The following USF3 variants were observed in gnomAD, a reference collection of about 807,000 sequenced individuals.
The protein encoded by USF3 is basic helix-loop-helix domain-containing protein USF3.
A neutral mutation model predicts 157.5 loss-of-function variants in USF3; 29 were observed. That is an observed-to-expected ratio of 0.18 (90% CI 0.14 to 0.25). The LOEUF is 0.25. Ranked by LOEUF, USF3 falls within the 10% of genes least tolerant of loss-of-function variation. The pLI is 1.00. For missense variants in USF3, 2,381 were observed against 2,667.6 expected (o/e 0.89, Z 2.37); for synonymous variants, 893 against 941.4 (o/e 0.95, Z 0.94).
Position 113,660,806 on chromosome 3 carries a change from T to C in USF3, c.876A>G (p.Val292=), listed in dbSNP as rs781438099. 5.6e-6 allele frequency: 9 copies of C among 1,614,088 alleles called. No individual in the cohort carries two copies. The highest frequency in any genetic ancestry group is 7.6e-6 in the Non-Finnish European group (9 of 1,180,056). ...ENKNGQENPK[V]LKKMTPCVTN... ...TAACACAAGGGGTCATTTTCTTCAA[T>C]ACTTTGGGGTTCTCTTGTCCATTCT... Residue 292 remains valine, a synonymous_variant, in exon 7 of 7, where the codon GTA becomes GTG. Coordinates refer to ENST00000316407, the MANE Select transcript of USF3 (RefSeq NM_001009899.4).
In USF3 at chr3:113,657,486, G is replaced by A; in HGVS notation, c.4196C>T (p.Thr1399Ile). 1 of 1,614,190 alleles carries A rather than the reference G, an allele frequency of 6.2e-7. No homozygotes were observed. The highest frequency in any genetic ancestry group is 8.5e-7 in the Non-Finnish European group (1 of 1,180,032). Residue 1399 changes from threonine (T) to isoleucine (I), a missense_variant, in exon 7 of 7, where the codon ACA (threonine) becomes ATA (isoleucine). Coordinates refer to ENST00000316407, the MANE Select transcript of USF3 (RefSeq NM_001009899.4). ...VSNPAHGDGL[T>I]RLFPPSNNFV... ...GTTGTTACTAGGTGGAAATAATCGT[G>A]TAAGGCCATCTCCATGAGCTGGGTT...
Position 113,649,499 on chromosome 3 carries a change from G to A in USF3, c.*5445C>T. 4.3e-6 allele frequency: 1 copy of A among 230,940 alleles called. No individual in the cohort carries two copies. Among genetic ancestry groups the A allele is most frequent in the Non-Finnish European group, 8.3e-6 (1 of 121,104 alleles). 14.3% of individuals were successfully genotyped at this position (230,940 alleles called of 1,614,324 possible). Reference sequence around the variant, plus strand: ...AGTTTAACAGGAGTTTTGCTACTAGGTTTTTTTTTTGTTTTTTGTTTTTTT... The same window carrying A: ...AGTTTAACAGGAGTTTTGCTACTAGATTTTTTTTTTGTTTTTTGTTTTTTT... On this transcript the variant is annotated 3_prime_UTR_variant, in exon 7 of 7. Coordinates refer to ENST00000316407, the MANE Select transcript of USF3 (RefSeq NM_001009899.4).
chr3:113,680,638 C>T lies in USF3; in HGVS notation c.-134-3241G>A, dbSNP rs1016675011. 1.4e-4 allele frequency among the ~76,000 whole-genome samples: 21 copies of T among 151,950 alleles called. 1 individual carries two copies. Among genetic ancestry groups the T allele is most frequent in the Non-Finnish European group, 1.2e-4 (8 of 67,984 alleles). On this transcript the variant is annotated intron_variant, in intron 1 of 6. Coordinates refer to ENST00000316407, the MANE Select transcript of USF3 (RefSeq NM_001009899.4). ...ACCAGCCTGGCCAACATGGCAAAAC[C>T]CTGCCTATACTAAAACTATAAAAAT...
chr3:113,656,269 C>T lies in USF3; in HGVS notation c.5413G>A (p.Gly1805Ser), dbSNP rs762974803. 2 of 1,614,146 alleles carry T rather than the reference C, an allele frequency of 1.2e-6. No individual in the cohort carries two copies. Among genetic ancestry groups the T allele is most frequent in the Admixed American group, 1.7e-5 (1 of 60,014 alleles). The change falls in exon 7 of 7, where the codon GGT (glycine) becomes AGT (serine). Residue 1805 changes from glycine to serine, a missense_variant. This residue lies in a region of USF3 where 770 missense variants were observed against 824.2 expected (regional missense o/e 0.93). Coordinates refer to ENST00000316407, the MANE Select transcript of USF3 (RefSeq NM_001009899.4). The stretch of plus-strand genomic sequence containing the variant: ...TTTTCACTGTCCCTTGATGGAATAC[C>T]ATTTCCTGTTGGGATGCTCTGAACT... ...PPVQSIPTGN[G>S]IPSRDSENTC...
rs1310592963 is a variant in USF3 at position 113,661,276 on chromosome 3, C to T, written c.406G>A (p.Val136Ile). 1 of 1,614,016 alleles carries T rather than the reference C, an allele frequency of 6.2e-7. No individual in the cohort carries two copies. The part of the protein sequence containing the change: ...KGNLKNSKVS[V>I]VIPSDQVQKK... ...TGAACCTGGTCACTAGGAATAACAA[C>T]AGAGACCTTTGAGTTTTTAAGATTT... Residue 136 changes from valine to isoleucine, a missense_variant, in exon 7 of 7, where the codon GTT becomes ATT. Physicochemically the swap from Val to Ile is conservative, Grantham distance 29 (BLOSUM62 3). Transcript: ENST00000316407.
rs890785024 is a variant in USF3, at chr3:113,652,542, G to A, written c.*2402C>T. On this transcript the variant is annotated 3_prime_UTR_variant, in exon 7 of 7. Coordinates refer to ENST00000316407, the MANE Select transcript of USF3 (RefSeq NM_001009899.4). ...CTTAGTTGGCAGCAGAAAAGAGACA[G>A]GACAGTTTGGTAAGAACAGTTAAAG... 6.6e-6 allele frequency: 1 copy of A among 151,986 alleles called. No individual in the cohort carries two copies. The highest frequency in any genetic ancestry group is 2.4e-5 in the African/African-American group (1 of 41,370). The allele number at this position is 151,986 out of a possible 1,614,324, so 9.4% of individuals were successfully genotyped here.
intron 1 of USF3, among the ~76,000 whole-genome samples, chr3:113,690,806 G>A (rs368260808): frequency 6.6e-5 from 10 of 152,024 alleles, no homozygotes; most frequent in South Asian, 2.1e-4. Context: ...TATCACTCTC[G>A]CTACTTAGTA....
chr3:113,652,913 TGC>T lies in USF3; in HGVS notation c.*2029_*2030del. On this transcript the variant is annotated 3_prime_UTR_variant, in exon 7 of 7. Coordinates refer to ENST00000316407, the MANE Select transcript of USF3 (RefSeq NM_001009899.4). ...CAGAGGCTGCAGTGAGCCAAGATCC[TGC>T]CATTGTAGACTCCAGCCTGGGTGAC... The T allele has an allele frequency of 1.9e-6, 1 of 520,530 alleles. No homozygotes were observed. The highest frequency in any genetic ancestry group is 2.2e-5 in the South Asian group (1 of 45,044). The allele number at this position is 520,530 out of a possible 1,614,324, so 32.2% of individuals were successfully genotyped here.
rs201105015 is a variant in USF3 at position 113,673,367 on chromosome 3, G to A, written c.57C>T (p.Asn19=). The A allele has an allele frequency of 3.7e-6, 6 of 1,600,938 alleles. No homozygotes were observed. The African/African-American group carries it at 8.0e-5, about 21-fold the overall frequency. ...TPTKKQHRKK[N]RETHNAVERH... ...TTCTACCTGCATTGTGTGTCTCCCG[G>A]TTTTTCTTTCTGAAACAAAAAGTAC... Residue 19 remains asparagine (N), a synonymous_variant, in exon 4 of 7, where the codon AAC becomes AAT. Transcript: ENST00000316407.
intron 6 of USF3, 127 bp downstream of exon 6, chr3:113,664,186 T>C (rs1379461244): frequency 3.4e-6 from 2 of 585,032 alleles, no homozygotes; most frequent in East Asian, 5.9e-5. Flanking sequence ...CCAGACCCAC[T>C]GAATGCAGGG....
At chr3:113,667,738 G>A (rs1285928273) in intron 5 of USF3, among the ~76,000 whole-genome samples, 1 of 152,006 alleles carries the variant, frequency 6.6e-6, no homozygotes, top group Non-Finnish European at 1.5e-5. Flanking sequence ...GTGGTGGCAT[G>A]CACCTGTAAT....
chr3:113,684,464 C>T (rs969178142), intron 1 of USF3, among the ~76,000 whole-genome samples: 22 of 152,182 alleles, frequency 1.4e-4, no homozygotes, highest in African/African-American at 5.1e-4. Flanking sequence ...TCTCTCTCCA[C>T]TTCCTCTTTA....
chr3:113,693,986 G>A (rs1429422913), intron 1 of USF3, among the ~76,000 whole-genome samples: 1 of 152,246 alleles, frequency 6.6e-6, no homozygotes, highest in African/African-American at 2.4e-5. Flanking sequence ...GGAGTTCTCA[G>A]CCAGGGCTAC....
rs1485432360 is a variant in USF3 at position 113,655,175 on chromosome 3, A to G, written c.6507T>C (p.Phe2169=). The G allele has an allele frequency of 6.2e-7, 1 of 1,614,134 alleles. No individual in the cohort carries two copies. Among genetic ancestry groups the G allele is most frequent in the African/African-American group, 1.3e-5 (1 of 74,950 alleles). ...TTGGTGGCATATCTGGGAGAAGAGG[A>G]AAACTTGGTTGAGCAAACCCAACAG... ...PRPVGFAQPS[F]PLLPDMPPMH... The change falls in exon 7 of 7, where the codon TTT becomes TTC. Residue 2169 remains phenylalanine, a synonymous_variant. Transcript: ENST00000316407.
intron 1 of USF3, among the ~76,000 whole-genome samples, chr3:113,694,571 A>G (rs912624385): frequency 1.3e-5 from 2 of 152,230 alleles, no homozygotes; most frequent in African/African-American, 4.8e-5. Context: ...ATACCTATGT[A>G]CACCTAAGTC....
Position 113,664,710 on chromosome 3 carries a change from G to A in USF3, c.160-301C>T, listed in dbSNP as rs1947537419. Among the ~76,000 whole-genome samples the A allele has an allele frequency of 3.9e-5, 6 of 152,170 alleles. 1 individual carries two copies. In the South Asian group the frequency reaches 1.0e-3, roughly 26 times the overall value. On this transcript the variant is annotated intron_variant, in intron 5 of 6. Coordinates refer to ENST00000316407, the MANE Select transcript of USF3 (RefSeq NM_001009899.4). ...GAATGCTATGAAGAAATATAAAGCA[G>A]GGTAAAGAGGGAGCTAGAGTGATGG...
Position 113,656,689 on chromosome 3 carries a change from CTCTATT to C in USF3, c.4987_4992del (p.Asn1663_Arg1664del). The C allele has an allele frequency of 6.2e-7, 1 of 1,614,138 alleles. No homozygotes were observed. The highest frequency in any genetic ancestry group is 1.1e-5 in the South Asian group (1 of 91,086). Reference sequence around the variant, plus strand: ...AGTGCCTCAGCAGAATAACTTGAAACTCTATTTCTCTCTGGCCTGTGTGGAGTACAG... The same window carrying C: ...AGTGCCTCAGCAGAATAACTTGAAACTCTCTCTGGCCTGTGTGGAGTACAG... On this transcript the variant is annotated inframe_deletion, in exon 7 of 7. Coordinates refer to ENST00000316407, the MANE Select transcript of USF3 (RefSeq NM_001009899.4).
intron 1 of USF3, among the ~76,000 whole-genome samples, chr3:113,694,430 C>T (rs950863316): frequency 3.3e-5 from 5 of 152,198 alleles, no homozygotes; most frequent in South Asian, 2.1e-4. Context: ...GTTCCATAGA[C>T]GACTAACCTA....
At chr3:113,688,450 C>T (rs1707608298) in intron 1 of USF3, among the ~76,000 whole-genome samples, 1 of 152,150 alleles carries the variant, frequency 6.6e-6, no homozygotes, top group Admixed American at 6.5e-5. Context: ...ACTTAGCAAA[C>T]CTAGTCTGTC....
Sources: allele counts gnomAD v4.1 joint callset (sites outside exome capture counted in the v4.1 genomes callset), GRCh38; gene constraint gnomAD v4.1.1; regional missense constraint gnomAD v4.1.1; transcripts MANE v1.5; gene names NCBI Gene and HGNC (gene_info 2026-07-23, HGNC 2026-07-21).